GAS7: variants seen among roughly 807,000 people sequenced by gnomAD.
The protein encoded by GAS7 is growth arrest-specific protein 7.
In GAS7, 28 loss-of-function variants were observed where a neutral mutation model predicts 71.1. That is an observed-to-expected ratio of 0.39 (90% CI 0.29 to 0.54). The LOEUF is 0.54. Among genes scored for constraint, GAS7 ranks in the 20% least tolerant of loss-of-function variants. The probability of loss-of-function intolerance (pLI) is 0.62; values close to 1 mark genes in which losing one functional copy is unlikely to be tolerated. For missense variants in GAS7, 436 were observed against 627.8 expected, an observed-to-expected ratio of 0.69 and a Z score of 3.27; for synonymous variants, 258 against 245.8, an observed-to-expected ratio of 1.05 and a Z score of -0.46.
intron 1 of GAS7, among the ~76,000 whole-genome samples, chr17:10,058,016 A>T (rs896319861): frequency 2.6e-5 from 4 of 152,224 alleles, no homozygotes; most frequent in African/African-American, 9.7e-5. Flanking sequence ...GGGCAGTGCA[A>T]GATGTGCTTT....
At chr17:10,164,849 A>AT (rs1278622795) in intron 1 of GAS7, among the ~76,000 whole-genome samples, 1 of 48,214 alleles carries the variant, frequency 2.1e-5, no homozygotes, top group Non-Finnish European at 4.3e-5. Context: ...TGAAAAAAGG[A>AT]AAAAAAAAAA....
At chr17:10,053,642 AAGT>A in intron 1 of GAS7, among the ~76,000 whole-genome samples, 1 of 152,080 alleles carries the variant, frequency 6.6e-6, no homozygotes, top group East Asian at 1.9e-4. Flanking sequence ...CCACAGATGC[AAGT>A]GCTGAATCGT....
intron 2 of GAS7, among the ~76,000 whole-genome samples, chr17:10,011,725 C>T (rs998999324): frequency 2.6e-5 from 4 of 152,168 alleles, no homozygotes; most frequent in Non-Finnish European, 5.9e-5. Context: ...GCCTGTAATC[C>T]CAGCACTTTG....
chr17:9,923,480 G>A (rs914934777), intron 11 of GAS7, among the ~76,000 whole-genome samples: 1 of 152,084 alleles, frequency 6.6e-6, no homozygotes, highest in African/African-American at 2.4e-5. Flanking sequence ...GATAGATAAA[G>A]AATCTATGGT....
At chr17:10,022,429 G>C (rs2072305824) in intron 1 of GAS7, among the ~76,000 whole-genome samples, 1 of 152,194 alleles carries the variant, frequency 6.6e-6, no homozygotes. Flanking sequence ...GGAGGAAATA[G>C]GAAGGATCAA....
At chr17:10,092,220 G>C (rs1170603823) in intron 1 of GAS7, among the ~76,000 whole-genome samples, 1 of 152,252 alleles carries the variant, frequency 6.6e-6, no homozygotes, top group Non-Finnish European at 1.5e-5. Flanking sequence ...TTTCATTCAA[G>C]TCTTTGCTCA....
At chr17:10,168,612 C>G (rs79643748) in intron 1 of GAS7, among the ~76,000 whole-genome samples, 8,191 of 152,278 alleles carry the variant, frequency 0.054, 339 homozygotes, top group Admixed American at 0.14. Context: ...TTTCTTCCCC[C>G]TGCAGGGTGA....
chr17:9,928,475 T>G (rs1427077387), intron 9 of GAS7, among the ~76,000 whole-genome samples: 1 of 152,034 alleles, frequency 6.6e-6, no homozygotes, highest in Non-Finnish European at 1.5e-5. Flanking sequence ...CAAAGCCAGG[T>G]GGCACCCTAG....
intron 1 of GAS7, among the ~76,000 whole-genome samples, chr17:10,117,552 G>T (rs2073871330): frequency 6.6e-6 from 1 of 152,180 alleles, no homozygotes; most frequent in African/African-American, 2.4e-5. Flanking sequence ...ACAGGAGTGA[G>T]ACCAACGGGG....
intron 4 of GAS7, among the ~76,000 whole-genome samples, chr17:9,965,444 T>C (rs1365345033): frequency 2.0e-5 from 3 of 152,084 alleles, no homozygotes; most frequent in Non-Finnish European, 4.4e-5. Context: ...TTCTCACTCA[T>C]AAGTGGGAGA....
intron 1 of GAS7, among the ~76,000 whole-genome samples, chr17:10,136,577 C>T (rs1352557596): frequency 1.3e-5 from 2 of 152,200 alleles, no homozygotes; most frequent in African/African-American, 2.4e-5. Context: ...GGACTCAAAT[C>T]CTCCACATGA....
chr17:9,921,913 C>T (rs1377847729), intron 11 of GAS7, among the ~76,000 whole-genome samples: 5 of 148,884 alleles, frequency 3.4e-5, no homozygotes, highest in Middle Eastern at 3.6e-3. Context: ...GAGCAGAGAT[C>T]GCACCACTGC....
chr17:9,977,318 T>C (rs1290733712), intron 3 of GAS7, among the ~76,000 whole-genome samples: 1 of 152,218 alleles, frequency 6.6e-6, no homozygotes, highest in Non-Finnish European at 1.5e-5. Flanking sequence ...ATGCTTATAC[T>C]GTCACAGAGG....
intron 2 of GAS7, among the ~76,000 whole-genome samples, chr17:10,018,852 T>C (rs938511174): frequency 3.3e-5 from 5 of 152,184 alleles, no homozygotes; most frequent in Admixed American, 2.6e-4. Flanking sequence ...AGCAGTGGAC[T>C]TGGGTACGAT....
chr17:10,111,343 A>C (rs75618073), intron 1 of GAS7, among the ~76,000 whole-genome samples: 150,514 of 150,544 alleles, frequency 1, 75,242 homozygotes, highest in Middle Eastern at 1. Context: ...ACAATGTTGG[A>C]TAACACAGTG....
intron 1 of GAS7, among the ~76,000 whole-genome samples, chr17:10,176,073 C>T (rs544828972): frequency 6.6e-6 from 1 of 152,322 alleles, no homozygotes; most frequent in East Asian, 1.9e-4. Context: ...TCGGCTATAT[C>T]CCAGGGTTGA....
At chr17:10,113,195 G>C (rs1050169816) in intron 1 of GAS7, among the ~76,000 whole-genome samples, 3 of 152,142 alleles carry the variant, frequency 2.0e-5, no homozygotes, top group African/African-American at 7.2e-5. Context: ...CACGATGCTG[G>C]CAAGGCTATG....
In GAS7 at chr17:9,913,067, T is replaced by G. The variant is rs942241176; in HGVS notation, c.*4161A>C. 1 of 232,486 alleles carries G rather than the reference T, an allele frequency of 4.3e-6. No homozygotes were observed. Among genetic ancestry groups the G allele is most frequent in the African/African-American group, 2.2e-5 (1 of 45,254 alleles). 14.4% of individuals were successfully genotyped at this position (232,486 alleles called of 1,614,324 possible). A position where few individuals can be genotyped will look rare whatever the true frequency, so the allele number is the denominator to read the frequency against. ...AAAGAGGGCAGGAGAAGGGAATTTTTTGGAGGGTTAAAAACAGGTTGATCT... is the reference window on the plus strand; with the variant it reads ...AAAGAGGGCAGGAGAAGGGAATTTTGTGGAGGGTTAAAAACAGGTTGATCT... On this transcript the variant is annotated 3_prime_UTR_variant, in exon 14 of 14. Coordinates refer to ENST00000432992, the MANE Select transcript of GAS7 (RefSeq NM_201433.2).
intron 5 of GAS7, among the ~76,000 whole-genome samples, chr17:9,956,644 T>G (rs1427665966): frequency 6.6e-6 from 1 of 152,072 alleles, no homozygotes; most frequent in Non-Finnish European, 1.5e-5. Flanking sequence ...CCCGTTGCTG[T>G]CAGGGGGCCC....
Sources: allele counts gnomAD v4.1 joint callset (sites outside exome capture counted in the v4.1 genomes callset), GRCh38; gene constraint gnomAD v4.1.1; transcripts MANE v1.5; gene names NCBI Gene and HGNC (gene_info 2026-07-23, HGNC 2026-07-21).